The following ATRX variants were observed in gnomAD, a reference collection of about 807,000 sequenced individuals.
ATRX encodes the protein chromatin remodeler ATRX.
In ATRX, 12 loss-of-function variants were observed where a neutral mutation model predicts 172.6. That is an observed-to-expected ratio of 0.07 (90% CI 0.04 to 0.11). The LOEUF (loss-of-function observed/expected upper bound fraction) is 0.11, where lower values mean the gene tolerates loss of function less well. Among genes scored for constraint, ATRX ranks in the 10% least tolerant of loss-of-function variants. The pLI, the probability that ATRX is intolerant of heterozygous loss-of-function variation, is 1.00. For missense variants in ATRX, 1,368 were observed against 1,767.4 expected (o/e 0.77, Z 4.05); for synonymous variants, 674 against 594.7 (o/e 1.13, Z -1.94).
chrX:77,593,570 A>G, intron 26 of ATRX, 126 bp downstream of exon 26: 1 of 756,971 alleles, frequency 1.3e-6, no homozygotes, highest in Non-Finnish European at 2.0e-6. Flanking sequence ...CTAGCACTAC[A>G]ATGACCAAAT....
chrX:77,775,715 C>CTTTATTTA (rs112567888), intron 1 of ATRX, among the ~76,000 whole-genome samples: 2,204 of 100,297 alleles, frequency 0.022, 33 homozygotes, highest in Admixed American at 0.04. Context: ...AACAATAATT[C>CTTTATTTA]TTTATTTATT....
At chrX:77,544,135 T>C (rs2064133715) in intron 30 of ATRX, among the ~76,000 whole-genome samples, 1 of 111,515 alleles carries the variant, frequency 9.0e-6, no homozygotes, top group African/African-American at 3.3e-5. Flanking sequence ...TGCCATATAC[T>C]TGTAATTTAA....
At chrX:77,538,278 A>G (rs1406677913) in intron 30 of ATRX, among the ~76,000 whole-genome samples, 1 of 109,274 alleles carries the variant, frequency 9.2e-6, no homozygotes, top group Non-Finnish European at 1.9e-5. Context: ...ATGGAATACT[A>G]CTCAGACATA....
intron 15 of ATRX, 131 bp downstream of exon 15, chrX:77,651,983 G>A (rs781824684): frequency 8.2e-4 from 500 of 610,694 alleles, no homozygotes; most frequent in Non-Finnish European, 1.2e-3. Context: ...GTTGACTCAC[G>A]CCTGTAATCC....
At chrX:77,615,827 T>C (rs1268857368) in intron 22 of ATRX, 1 of 341,533 alleles carries the variant, frequency 2.9e-6, no homozygotes, top group African/African-American at 2.9e-5. Flanking sequence ...CCTTTTTTTT[T>C]TGATCAATTA....
At chrX:77,720,759 T>G (rs1189529207) in intron 1 of ATRX, among the ~76,000 whole-genome samples, 1 of 111,956 alleles carries the variant, frequency 8.9e-6, no homozygotes, top group East Asian at 2.8e-4. Flanking sequence ...AAAGAGGAGC[T>G]GGTACCATTC....
chrX:77,658,565 T>G (rs2069681703), intron 12 of ATRX, among the ~76,000 whole-genome samples: 1 of 112,611 alleles, frequency 8.9e-6, no homozygotes, highest in African/African-American at 3.2e-5. Flanking sequence ...TAAAACATTT[T>G]ATGTAAAAAG....
rs1557141175 is a variant in ATRX, at chrX:77,683,633, T to A, written c.1623A>T (p.Ser541=). The A allele has an allele frequency of 8.3e-7, 1 of 1,211,596 alleles. No homozygotes were observed. Among genetic ancestry groups the A allele is most frequent in the East Asian group, 3.0e-5 (1 of 33,857 alleles). Residue 541 remains serine, a synonymous_variant, in exon 9 of 35, where the codon TCA becomes TCT. Transcript: ENST00000373344. Reference sequence around the variant, plus strand: ...TGCTGCCATCCCCTTGATGATCAACTGAACTCTGAACTTCCATAGCAGTCT... The same window carrying A: ...TGCTGCCATCCCCTTGATGATCAACAGAACTCTGAACTTCCATAGCAGTCT... The part of the protein sequence containing the change: ...NLETAMEVQS[S]VDHQGDGSSG...
intron 1 of ATRX, among the ~76,000 whole-genome samples, chrX:77,719,283 G>A (rs1196337752): frequency 8.1e-5 from 9 of 110,668 alleles, no homozygotes; most frequent in Non-Finnish European, 1.5e-4. Context: ...TTTAAATGGG[G>A]AAAAGACTTA....
chrX:77,608,500 T>C (rs893025365), intron 22 of ATRX, among the ~76,000 whole-genome samples: 13 of 111,479 alleles, frequency 1.2e-4, no homozygotes, highest in African/African-American at 4.2e-4. Context: ...GGATAGTCTC[T>C]TCAGTAAGTG....
At chrX:77,769,500 G>C (rs1557197960) in intron 1 of ATRX, among the ~76,000 whole-genome samples, 1 of 110,607 alleles carries the variant, frequency 9.0e-6, no homozygotes, top group Non-Finnish European at 1.9e-5. Flanking sequence ...TGTTGGCCAG[G>C]CTGGTCTTGA....
chrX:77,732,730 T>C (rs1557176753), intron 1 of ATRX, among the ~76,000 whole-genome samples: 1 of 111,798 alleles, frequency 8.9e-6, no homozygotes, highest in Non-Finnish European at 1.9e-5. Flanking sequence ...CATTCCTTCA[T>C]GATAAAAACC....
intron 15 of ATRX, among the ~76,000 whole-genome samples, chrX:77,650,542 A>G: frequency 8.9e-6 from 1 of 112,071 alleles, no homozygotes; most frequent in Admixed American, 9.4e-5. Context: ...TCCAAATACA[A>G]CAGAATATGC....
intron 1 of ATRX, among the ~76,000 whole-genome samples, chrX:77,744,883 C>G (rs1234744309): frequency 9.1e-6 from 1 of 109,756 alleles, no homozygotes; most frequent in Non-Finnish European, 1.9e-5. Context: ...GTAATCCCAG[C>G]TGCTTGGGAG....
chrX:77,710,528 C>T (rs941996989), intron 2 of ATRX, among the ~76,000 whole-genome samples: 5 of 110,230 alleles, frequency 4.5e-5, no homozygotes, highest in African/African-American at 9.9e-5. Context: ...CAAAAGTTTC[C>T]GATCTTGGAA....
intron 30 of ATRX, 58 bp downstream of exon 30, chrX:77,557,393 T>C (rs1487455073): frequency 5.6e-6 from 6 of 1,068,012 alleles, no homozygotes; most frequent in Middle Eastern, 3.1e-4. Context: ...TTGATATCAG[T>C]AGTAAAATTT....
Position 77,633,372 on chromosome X carries a change from C to T in ATRX, c.4969G>A (p.Ala1657Thr), listed in dbSNP as rs1557106503. ...DDEKLEVSEL[A>T]TVKRPQERSY... ...CTCTCCTGAGGACGTTTCACAGTTG[C>T]TAATTCAGAAACCTTTTGTGGGGAA... The change falls in exon 19 of 35, where the codon GCA becomes ACA. Residue 1657 changes from alanine to threonine, a missense_variant. Physicochemically the swap from Ala to Thr is moderately conservative, Grantham distance 58 (BLOSUM62 0). Transcript: ENST00000373344. The T allele has an allele frequency of 8.3e-7, 1 of 1,205,659 alleles. No homozygotes were observed.
chrX:77,612,491 T>G (rs1220793972), intron 22 of ATRX, among the ~76,000 whole-genome samples: 2 of 110,393 alleles, frequency 1.8e-5, no homozygotes, highest in Non-Finnish European at 3.8e-5. Context: ...AACTAGATGA[T>G]GGCTTGATAG....
intron 13 of ATRX, 63 bp from the exon 14 acceptor site, chrX:77,654,263 T>C (rs2069428941): frequency 5.1e-6 from 5 of 971,655 alleles, no homozygotes; most frequent in Non-Finnish European, 7.3e-6. Context: ...ATAAGTTATG[T>C]ACTATTTTAA....
Sources: gnomAD v4.1 joint callset for allele counts (sites outside exome capture counted in the v4.1 genomes callset) on GRCh38, gnomAD v4.1.1 for gene constraint, MANE v1.5 for transcripts, NCBI Gene and HGNC (gene_info 2026-07-23, HGNC 2026-07-21) for gene names.